The following CUBN variants were observed in gnomAD, a reference collection of about 807,000 sequenced individuals.
CUBN encodes cubilin, also known as 460 kDa receptor.
Under a neutral mutation model 405.3 loss-of-function variants are expected in CUBN, and 282 were observed. The ratio of observed to expected loss-of-function variants is 0.70; its 90% CI spans 0.63 to 0.77. The LOEUF (loss-of-function observed/expected upper bound fraction) is 0.77. CUBN is among the 30% of genes least tolerant of loss of function. CUBN has a pLI of 0.00. For synonymous variants in CUBN, 1,684 were observed against 1,617.0 expected, an observed-to-expected ratio of 1.04 and a Z score of -0.99; for missense variants, 4,514 against 4,475.2, an observed-to-expected ratio of 1.01 and a Z score of -0.25.
intron 15 of CUBN, among the ~76,000 whole-genome samples, chr10:17,086,097 C>T (rs1250484956): frequency 6.6e-6 from 1 of 151,912 alleles, no homozygotes; most frequent in Non-Finnish European, 1.5e-5. Context: ...TCCCAAGTAG[C>T]TGGGACTACA....
chr10:16,929,163 T>C (rs1465032744), intron 40 of CUBN, among the ~76,000 whole-genome samples: 1 of 152,212 alleles, frequency 6.6e-6, no homozygotes, highest in Non-Finnish European at 1.5e-5. Context: ...TTGTTTGTTT[T>C]GGTATAAAAA....
chr10:17,037,026 CT>C (rs776755331), intron 27 of CUBN, among the ~76,000 whole-genome samples: 8 of 152,240 alleles, frequency 5.3e-5, no homozygotes, highest in Non-Finnish European at 1.2e-4. Flanking sequence ...CTTTTCTCAC[CT>C]AACGAATGGG....
At chr10:16,911,654 G>C (rs1337763270) in intron 48 of CUBN, among the ~76,000 whole-genome samples, 1 of 152,062 alleles carries the variant, frequency 6.6e-6, no homozygotes, top group Non-Finnish European at 1.5e-5. Flanking sequence ...CTTTCCTAAA[G>C]GACATGTGAA....
intron 59 of CUBN, among the ~76,000 whole-genome samples, chr10:16,862,158 TCTCACACACA>T (rs1315523263): frequency 2.2e-5 from 2 of 90,794 alleles, no homozygotes; most frequent in African/African-American, 1.0e-4. Flanking sequence ...TCTCTCTCTC[TCTCACACACA>T]CACACACACA....
intron 30 of CUBN, 79 bp from the exon 31 acceptor site, chr10:16,982,732 C>G: frequency 1.6e-6 from 2 of 1,260,542 alleles, no homozygotes; most frequent in Non-Finnish European, 2.3e-6. Flanking sequence ...TTGTATAGAT[C>G]AATACATTAC....
At chr10:17,029,952 T>G (rs1166580035) in intron 27 of CUBN, among the ~76,000 whole-genome samples, 1 of 152,214 alleles carries the variant, frequency 6.6e-6, no homozygotes, top group Non-Finnish European at 1.5e-5. Context: ...CAGATTTATT[T>G]ACCACAAAAT....
chr10:16,902,061 G>T (rs1841403999), intron 51 of CUBN, among the ~76,000 whole-genome samples: 1 of 117,794 alleles, frequency 8.5e-6, no homozygotes, highest in Non-Finnish European at 1.7e-5. Flanking sequence ...CATATATAGG[G>T]TATATATATA....
chr10:16,999,014 T>G (rs1203736162), intron 28 of CUBN, among the ~76,000 whole-genome samples: 1 of 152,224 alleles, frequency 6.6e-6, no homozygotes, highest in Non-Finnish European at 1.5e-5. Context: ...GGATATAAAG[T>G]AGAGCATCGG....
At chr10:17,001,550 C>G (rs541510692) in intron 28 of CUBN, among the ~76,000 whole-genome samples, 4 of 152,194 alleles carry the variant, frequency 2.6e-5, no homozygotes, top group Non-Finnish European at 5.9e-5. Flanking sequence ...TCTCCGAGTC[C>G]CCACTGGACC....
In CUBN at chr10:16,890,463, G is replaced by A. The variant is rs777195712; in HGVS notation, c.8663C>T (p.Pro2888Leu). 24 of 1,613,934 alleles carry A rather than the reference G, an allele frequency of 1.5e-5. No individual in the cohort carries two copies. In the African/African-American group the frequency reaches 1.9e-4, roughly 13 times the overall value. ...LLATGCGNVA[P>L]GPVITPSNTF... ...GTTACTTGGTGTGATAACGGGACCC[G>A]GAGCCACGTTCCCACAGCCAGTGGC... The change falls in exon 55 of 67, where the codon CCG becomes CTG. Residue 2888 changes from proline (P) to leucine (L), a missense_variant. Coordinates refer to ENST00000377833, the MANE Select transcript of CUBN (RefSeq NM_001081.4).
rs1162326864 is a variant in CUBN, at chr10:17,043,880, A to T, written c.3776T>A (p.Leu1259Gln). The T allele has an allele frequency of 2.5e-6, 4 of 1,613,520 alleles. No homozygotes were observed. The highest frequency in any genetic ancestry group is 3.4e-6 in the Non-Finnish European group (4 of 1,179,760). ...RSSGDSMFIKLRTDEGQQGRG... is the reference protein window; with the variant it reads ...RSSGDSMFIKQRTDEGQQGRG... ...TCCTTGCTGACCTTCATCTGTCCTC[A>T]GTTTTATAAACATGCTGTCTCCACT... Residue 1259 changes from leucine to glutamine, a missense_variant, in exon 26 of 67, where the codon CTG becomes CAG. Physicochemically the swap from Leu to Gln is moderately radical, Grantham distance 113. This residue lies in a region of CUBN where 242 missense variants were observed against 309.0 expected (regional missense o/e 0.78). Transcript: ENST00000377833.
At chr10:17,114,430 G>A (rs1255489390) in intron 7 of CUBN, among the ~76,000 whole-genome samples, 1 of 152,138 alleles carries the variant, frequency 6.6e-6, no homozygotes, top group Non-Finnish European at 1.5e-5. Context: ...GCCAGGGAAA[G>A]AGTAACAACA....
At chr10:16,846,241 C>T (rs1242564107) in intron 60 of CUBN, among the ~76,000 whole-genome samples, 2 of 152,160 alleles carry the variant, frequency 1.3e-5, no homozygotes, top group Non-Finnish European at 2.9e-5. Context: ...GGTGATGCTG[C>T]TATTGGCATG....
At chr10:17,114,385 C>T (rs1836840483) in intron 7 of CUBN, among the ~76,000 whole-genome samples, 196 bp from the exon 8 acceptor site, 1 of 152,080 alleles carries the variant, frequency 6.6e-6, no homozygotes, top group Non-Finnish European at 1.5e-5. Flanking sequence ...ATCTTTATTT[C>T]AGAGTAAAAG....
Position 17,047,486 on chromosome 10 carries a change from A to G in CUBN, c.3257T>C (p.Ile1086Thr). 1 of 1,614,084 alleles carries G rather than the reference A, an allele frequency of 6.2e-7. No individual in the cohort carries two copies. The highest frequency in any genetic ancestry group is 8.5e-7 in the Non-Finnish European group (1 of 1,179,936). The change falls in exon 23 of 67, where the codon ATT (isoleucine) becomes ACT (threonine). Residue 1086 changes from isoleucine (I) to threonine (T), a missense_variant. Physicochemically the swap from Ile to Thr is moderately conservative, Grantham distance 89. Coordinates refer to ENST00000377833, the MANE Select transcript of CUBN (RefSeq NM_001081.4). ...GGAGAAGTTTGTGAAGTGCACTGCA[A>G]TCAGTTGGCCAGTTCTCACTGTGAT... ...YRITVRTGQLIAVHFTNFSLE... is the reference protein window; with the variant it reads ...YRITVRTGQLTAVHFTNFSLE...
At chr10:16,919,735 C>T (rs1364690402) in intron 44 of CUBN, among the ~76,000 whole-genome samples, 1 of 152,144 alleles carries the variant, frequency 6.6e-6, no homozygotes. Flanking sequence ...GTGTCCCTTG[C>T]AGGAAGTGTC....
chr10:17,023,029 C>T (rs531644299), intron 27 of CUBN, among the ~76,000 whole-genome samples: 5 of 152,320 alleles, frequency 3.3e-5, no homozygotes, highest in Admixed American at 1.3e-4. Flanking sequence ...TCATGAACAG[C>T]ATAGCATTTT....
chr10:16,989,370 T>C (rs1416819986), intron 29 of CUBN, among the ~76,000 whole-genome samples: 8 of 148,198 alleles, frequency 5.4e-5, no homozygotes, highest in South Asian at 2.1e-4. Context: ...AAATATTAAT[T>C]ATTGTAATTA....
chr10:16,929,874 T>C (rs751697668), intron 40 of CUBN, among the ~76,000 whole-genome samples: 6 of 152,222 alleles, frequency 3.9e-5, no homozygotes, highest in African/African-American at 9.6e-5. Flanking sequence ...GTTGAGTCTA[T>C]TGATTTTGAT....
Sources: gnomAD v4.1 joint callset for allele counts (sites outside exome capture counted in the v4.1 genomes callset) on GRCh38, gnomAD v4.1.1 for gene constraint, gnomAD v4.1.1 regional missense constraint, MANE v1.5 for transcripts, NCBI Gene and HGNC (gene_info 2026-07-23, HGNC 2026-07-21) for gene names.